The following SGCD variants were observed in gnomAD, a reference collection of about 807,000 sequenced individuals.
The protein encoded by SGCD is sarcoglycan delta.
Under a neutral mutation model 36.6 loss-of-function variants are expected in SGCD, and 18 were observed. That is an observed-to-expected ratio of 0.49 (90% CI 0.34 to 0.73). SGCD has a LOEUF of 0.73. Ranked by LOEUF, SGCD falls within the 30% of genes least tolerant of loss-of-function variation. The pLI is 0.01. For synonymous variants in SGCD, 133 were observed against 130.6 expected, an observed-to-expected ratio of 1.02 and a Z score of -0.12; for missense variants, 387 against 346.7, an observed-to-expected ratio of 1.12 and a Z score of -0.92.
chr5:156,610,353 CA>C (rs1258453285), intron 6 of SGCD, among the ~76,000 whole-genome samples: 2 of 152,202 alleles, frequency 1.3e-5, no homozygotes, highest in African/African-American at 4.8e-5. Context: ...GGCTGCAGAA[CA>C]GCAGATATTG....
At chr5:156,718,698 G>A (rs988292201) in intron 7 of SGCD, among the ~76,000 whole-genome samples, 1 of 151,594 alleles carries the variant, frequency 6.6e-6, no homozygotes. Flanking sequence ...AATGGGCATG[G>A]TGGCTCACAT....
rs541397953 is a variant in SGCD at position 156,406,841 on chromosome 5, CAT to C, written c.192+62171_192+62172del. ...ATATACACACACACACACACACACACATATATATGTGTATATATATTAGTTTA... is the reference window on the plus strand; with the variant it reads ...ATATACACACACACACACACACACACATATATGTGTATATATATTAGTTTA... On this transcript the variant is annotated intron_variant, in intron 3 of 8. Transcript: ENST00000337851. Among the ~76,000 whole-genome samples the C allele has an allele frequency of 2.6e-3, 304 of 119,200 alleles. 2 individuals are homozygous for C. The highest frequency in any genetic ancestry group is 4.2e-3 in the Non-Finnish European group (239 of 56,800). 78.2% of individuals were successfully genotyped at this position (119,200 alleles called of 152,430 possible).
intron 3 of SGCD, among the ~76,000 whole-genome samples, chr5:156,249,994 A>G (rs972935648): frequency 3.3e-5 from 5 of 152,200 alleles, no homozygotes; most frequent in Admixed American, 6.5e-5. Context: ...ATATGTGTCC[A>G]TAGATTTTAC....
rs3074979 is a variant in SGCD at position 156,482,813 on chromosome 5, G to GTTTTTTTTT, written c.193-25771_193-25763dup. ...GCAGGTAGTATTATCCTTTTGGTCA[G>GTTTTTTTTT]TTTTTTTTTTTTTTTTTTTTTTTTT... On this transcript the variant is annotated intron_variant, in intron 3 of 8. Transcript: ENST00000337851. Among the ~76,000 whole-genome samples the GTTTTTTTTT allele has an allele frequency of 6.7e-4, 56 of 83,372 alleles. 8 individuals carry two copies. Among genetic ancestry groups the GTTTTTTTTT allele is most frequent in the East Asian group, 1.2e-3 (3 of 2,458 alleles). The allele number at this position is 83,372 out of a possible 152,430, so 54.7% of individuals were successfully genotyped here. A position where few individuals can be genotyped will look rare whatever the true frequency, so the allele number is the denominator to read the frequency against.
chr5:155,974,935 C>T (rs912842275), intron 1 of SGCD, among the ~76,000 whole-genome samples: 16 of 152,084 alleles, frequency 1.1e-4, no homozygotes, highest in South Asian at 2.1e-4. Context: ...TTTCTGCCTA[C>T]CCTCTCCCAA....
At chr5:156,542,643 A>G (rs1758395608) in intron 4 of SGCD, among the ~76,000 whole-genome samples, 1 of 152,216 alleles carries the variant, frequency 6.6e-6, no homozygotes, top group African/African-American at 2.4e-5. Flanking sequence ...GTAAGAAAAC[A>G]GGAAAGTGAA....
intron 3 of SGCD, chr5:156,124,115 C>T (rs941198958): frequency 6.6e-6 from 1 of 152,180 alleles, no homozygotes; most frequent in African/African-American, 2.4e-5. Context: ...CTTTCCCTGA[C>T]CTTCTTCTCT....
intron 1 of SGCD, among the ~76,000 whole-genome samples, chr5:155,962,478 C>T (rs1226902266): frequency 6.6e-6 from 1 of 152,088 alleles, no homozygotes; most frequent in African/African-American, 2.4e-5. Flanking sequence ...AGTGGTTTCT[C>T]TGTAGCTACT....
intron 7 of SGCD, among the ~76,000 whole-genome samples, chr5:156,745,329 C>A (rs1173404694): frequency 1.3e-5 from 2 of 152,180 alleles, no homozygotes; most frequent in African/African-American, 4.8e-5. Flanking sequence ...TTCAAACTGG[C>A]CTTCACTCTG....
At chr5:156,488,619 T>C (rs1755808797) in intron 3 of SGCD, among the ~76,000 whole-genome samples, 1 of 152,282 alleles carries the variant, frequency 6.6e-6, no homozygotes, top group African/African-American at 2.4e-5. Context: ...AGGAAATTCA[T>C]TATCACAAGA....
At chr5:156,423,094 T>A (rs754161381) in intron 3 of SGCD, among the ~76,000 whole-genome samples, 1 of 140,840 alleles carries the variant, frequency 7.1e-6, no homozygotes, top group Non-Finnish European at 1.5e-5. Context: ...TTCACGAGGG[T>A]CATTAGAAAC....
chr5:155,885,607 T>A (rs2113303345), intron 1 of SGCD, among the ~76,000 whole-genome samples: 1 of 152,366 alleles, frequency 6.6e-6, no homozygotes, highest in South Asian at 2.1e-4. Context: ...CTGACAACAT[T>A]GACAACTACT....
chr5:156,054,557 T>G (rs928496893), intron 1 of SGCD, among the ~76,000 whole-genome samples: 1 of 146,686 alleles, frequency 6.8e-6, no homozygotes, highest in East Asian at 1.9e-4. Context: ...AGTGATGGGA[T>G]TACAGGCGTG....
chr5:156,619,484 A>G (rs1256662794), intron 6 of SGCD, among the ~76,000 whole-genome samples: 3 of 152,226 alleles, frequency 2.0e-5, no homozygotes, highest in Admixed American at 2.0e-4. Flanking sequence ...TAGCCAGTTA[A>G]TAACAAGGAC....
upstream of SGCD, among the ~76,000 whole-genome samples, chr5:156,322,569 G>C (rs185150906): frequency 3.5e-4 from 54 of 152,262 alleles, no homozygotes; most frequent in Middle Eastern, 3.4e-3. Context: ...GGGACTGTTG[G>C]GTCTCAGGGT....
intron 3 of SGCD, among the ~76,000 whole-genome samples, chr5:156,318,225 C>T (rs951304188): frequency 6.6e-6 from 1 of 152,300 alleles, no homozygotes; most frequent in East Asian, 1.9e-4. Flanking sequence ...GCTAAATCTT[C>T]TCTTCCTCTA....
chr5:155,849,910 G>A, the SGCD span, among the ~76,000 whole-genome samples: 28 of 152,272 alleles, frequency 1.8e-4, no homozygotes, highest in South Asian at 5.6e-3. Context: ...ACACAGTTAA[G>A]GAAATTAATT....
intron 3 of SGCD, among the ~76,000 whole-genome samples, chr5:156,232,475 G>T (rs545516023): frequency 2.0e-5 from 3 of 152,122 alleles, no homozygotes; most frequent in African/African-American, 7.2e-5. Flanking sequence ...TCGAAAACCC[G>T]TCTTATATTT....
At chr5:156,241,661 A>G (rs1392368221) in intron 3 of SGCD, among the ~76,000 whole-genome samples, 1 of 152,166 alleles carries the variant, frequency 6.6e-6, no homozygotes, top group Non-Finnish European at 1.5e-5. Context: ...TTAACATTCA[A>G]CAATTGCTAG....
Sources: gnomAD v4.1 joint callset for allele counts (sites outside exome capture counted in the v4.1 genomes callset) on GRCh38, gnomAD v4.1.1 for gene constraint, MANE v1.5 for transcripts, NCBI Gene and HGNC (gene_info 2026-07-23, HGNC 2026-07-21) for gene names.